NTM: variants seen among roughly 807,000 people sequenced by gnomAD.
NTM encodes IgLON family member 2.
A neutral mutation model predicts 42.1 loss-of-function variants in NTM; 13 were observed. The ratio of observed to expected loss-of-function variants is 0.31; its 90% confidence interval spans 0.20 to 0.49. The LOEUF (loss-of-function observed/expected upper bound fraction) is 0.49. NTM is among the 20% of genes least tolerant of loss of function. The pLI is 0.99. For synonymous variants in NTM, 187 were observed against 179.2 expected (o/e 1.04, Z -0.35); for missense variants, 373 against 452.8 (o/e 0.82, Z 1.60).
At chr11:131,447,206 G>A (rs1294010266) in intron 1 of NTM, among the ~76,000 whole-genome samples, 2 of 152,170 alleles carry the variant, frequency 1.3e-5, no homozygotes, top group South Asian at 2.1e-4. Flanking sequence ...ATGGTTTTGC[G>A]ATGGCCAAGA....
At chr11:132,025,878 C>T (rs938188892) in intron 2 of NTM, among the ~76,000 whole-genome samples, 7 of 152,186 alleles carry the variant, frequency 4.6e-5, no homozygotes. Context: ...CCCTTCCCTT[C>T]CCTTTCAATT....
At chr11:131,690,623 C>T (rs1210317697) in intron 1 of NTM, among the ~76,000 whole-genome samples, 1 of 152,246 alleles carries the variant, frequency 6.6e-6, no homozygotes, top group Non-Finnish European at 1.5e-5. Context: ...ACACACTTCC[C>T]ATCTGCAAGG....
intron 1 of NTM, among the ~76,000 whole-genome samples, chr11:131,547,735 C>A (rs1169615113): frequency 6.6e-6 from 1 of 152,162 alleles, no homozygotes; most frequent in African/African-American, 2.4e-5. Context: ...ATACTATACA[C>A]CCTCTCAAAG....
At chr11:132,272,478 T>C (rs755641500) in intron 4 of NTM, among the ~76,000 whole-genome samples, 18 of 152,142 alleles carry the variant, frequency 1.2e-4, no homozygotes, top group Non-Finnish European at 2.1e-4. Context: ...AATATTGCCA[T>C]TTTAACATTA....
At chr11:131,375,501 C>G (rs982267107) in intron 1 of NTM, among the ~76,000 whole-genome samples, 1 of 152,198 alleles carries the variant, frequency 6.6e-6, no homozygotes, top group Admixed American at 6.5e-5. Flanking sequence ...GCATCACCTC[C>G]CCATTGCCGG....
At chr11:131,518,267 G>A (rs1186520833) in intron 1 of NTM, among the ~76,000 whole-genome samples, 1 of 152,128 alleles carries the variant, frequency 6.6e-6, no homozygotes, top group Non-Finnish European at 1.5e-5. Flanking sequence ...AGTCACCCAT[G>A]CAGTAAGTGC....
chr11:132,034,888 AGATGATATACATTCAT>A (rs2076331110), intron 2 of NTM, among the ~76,000 whole-genome samples: 1 of 152,218 alleles, frequency 6.6e-6, no homozygotes, highest in Non-Finnish European at 1.5e-5. Flanking sequence ...TACTGAGGGC[AGATGATATACATTCAT>A]GATACAAGCA....
intron 3 of NTM, among the ~76,000 whole-genome samples, chr11:132,162,123 AGT>A (rs1434200700): frequency 2.6e-5 from 4 of 151,648 alleles, no homozygotes; most frequent in African/African-American, 7.3e-5. Context: ...GGAGTGTGTA[AGT>A]GTGCATACTT....
At chr11:131,825,356 G>A (rs957822258) in intron 1 of NTM, among the ~76,000 whole-genome samples, 1 of 150,130 alleles carries the variant, frequency 6.7e-6, no homozygotes, top group Non-Finnish European at 1.5e-5. Context: ...GATATTAGGG[G>A]TTAGGACTTC....
intron 2 of NTM, among the ~76,000 whole-genome samples, chr11:132,091,767 C>A (rs2060406917): frequency 6.6e-6 from 1 of 152,142 alleles, no homozygotes. Flanking sequence ...CAGCCGTGAG[C>A]CACCATGCCC....
intron 1 of NTM, among the ~76,000 whole-genome samples, chr11:131,464,578 C>A (rs1455810220): frequency 1.3e-5 from 2 of 152,174 alleles, no homozygotes; most frequent in Admixed American, 1.3e-4. Context: ...TTCCTTACTG[C>A]CCCCTCCCCA....
intron 7 of NTM, among the ~76,000 whole-genome samples, chr11:132,326,291 T>C (rs1354794160): frequency 6.6e-6 from 1 of 152,166 alleles, no homozygotes; most frequent in Non-Finnish European, 1.5e-5. Flanking sequence ...TTCTGACCAC[T>C]GAGATCTTCA....
At chr11:131,843,996 C>CT (rs149779459) in intron 1 of NTM, among the ~76,000 whole-genome samples, 4 of 151,416 alleles carry the variant, frequency 2.6e-5, no homozygotes, top group East Asian at 1.9e-4. Context: ...ATGATGTCTT[C>CT]TTTTTTTTGT....
At chr11:131,550,187 C>T (rs529458276) in intron 1 of NTM, among the ~76,000 whole-genome samples, 17 of 152,216 alleles carry the variant, frequency 1.1e-4, no homozygotes, top group Non-Finnish European at 2.2e-4. Context: ...GAACACCTTA[C>T]GTGAAATGTG....
chr11:131,527,798 C>T (rs416334), intron 1 of NTM, among the ~76,000 whole-genome samples: 27,192 of 152,116 alleles, frequency 0.18, 2,470 homozygotes, highest in Middle Eastern at 0.23. Context: ...GTGGACTAGA[C>T]GGTCTCTGAA....
intron 1 of NTM, among the ~76,000 whole-genome samples, chr11:131,423,222 T>C (rs1947717660): frequency 6.6e-6 from 1 of 152,198 alleles, no homozygotes; most frequent in South Asian, 2.1e-4. Flanking sequence ...AACTCTAGGA[T>C]GTAGGACCTA....
intron 4 of NTM, among the ~76,000 whole-genome samples, chr11:132,306,860 T>C (rs2095103660): frequency 6.6e-6 from 1 of 152,190 alleles, no homozygotes; most frequent in African/African-American, 2.4e-5. Flanking sequence ...TCCTCTAGCC[T>C]TAAATATCTT....
At chr11:131,456,750 G>A (rs1434165215) in intron 1 of NTM, among the ~76,000 whole-genome samples, 1 of 152,110 alleles carries the variant, frequency 6.6e-6, no homozygotes, top group African/African-American at 2.4e-5. Flanking sequence ...TTTTGAGTTG[G>A]GGCTAGAGTT....
chr11:132,141,362 G>T (rs1322908441), intron 2 of NTM, among the ~76,000 whole-genome samples: 1 of 151,762 alleles, frequency 6.6e-6, no homozygotes, highest in African/African-American at 2.4e-5. Context: ...CTATTTCTGC[G>T]GTGCACATCT....
Sources: gnomAD v4.1 joint callset for allele counts (sites outside exome capture counted in the v4.1 genomes callset) on GRCh38, gnomAD v4.1.1 for gene constraint, MANE v1.5 for transcripts, NCBI Gene and HGNC (gene_info 2026-07-23, HGNC 2026-07-21) for gene names.